The following PTPRM variants were observed in gnomAD, a reference collection of about 807,000 sequenced individuals.
The protein encoded by PTPRM is receptor-type tyrosine-protein phosphatase mu.
PTPRM carries 47 observed loss-of-function variants against 186.7 expected under a neutral mutation model. That is an observed-to-expected ratio of 0.25 (90% CI 0.20 to 0.32). PTPRM has a LOEUF of 0.32. PTPRM is among the 10% of genes least tolerant of loss of function. PTPRM has a pLI of 1.00. For missense variants in PTPRM, 1,494 were observed against 1,865.0 expected, an observed-to-expected ratio of 0.80 and a Z score of 3.66; for synonymous variants, 668 against 674.9, an observed-to-expected ratio of 0.99 and a Z score of 0.16.
At chr18:7,891,352 A>T (rs1437996262) in intron 3 of PTPRM, among the ~76,000 whole-genome samples, 5 of 148,462 alleles carry the variant, frequency 3.4e-5, no homozygotes, top group African/African-American at 9.9e-5. Context: ...TAACAGGTAA[A>T]TTTTTTTTTT....
chr18:7,702,914 G>A (rs186742783), intron 1 of PTPRM, among the ~76,000 whole-genome samples: 19 of 149,088 alleles, frequency 1.3e-4, no homozygotes, highest in African/African-American at 4.1e-4. Flanking sequence ...CTGAATATGC[G>A]TAGCCATTTA....
At position 8,016,804 on chromosome 18, in the gene PTPRM, A is replaced by G. The variant is rs147364381; in HGVS notation, c.1133-52882A>G. On this transcript the variant is annotated intron_variant, in intron 7 of 32. Coordinates refer to ENST00000580170, the MANE Select transcript of PTPRM (RefSeq NM_001105244.2). ...GGCATTCATTTTTAAAAGAACGTCT[A>G]TCTATCCATACCAATAATCTGGAGA... Among the ~76,000 whole-genome samples the G allele has an allele frequency of 8.4e-3, 1,282 of 152,332 alleles. 8 individuals carry two copies. Among genetic ancestry groups the G allele is most frequent in the South Asian group, 0.034 (163 of 4,830 alleles).
intron 2 of PTPRM, among the ~76,000 whole-genome samples, chr18:7,833,604 G>T (rs1489616678): frequency 2.0e-5 from 3 of 152,026 alleles, no homozygotes; most frequent in East Asian, 3.9e-4. Context: ...CATGGTGGCA[G>T]GTGCCTATAA....
In PTPRM at chr18:8,290,447, C is replaced by T. The variant is rs199751540; in HGVS notation, c.2755-5921C>T. Among the ~76,000 whole-genome samples, 6 of 151,684 alleles carry T rather than the reference C, an allele frequency of 4.0e-5. No homozygotes were observed. In the East Asian group the frequency reaches 1.2e-3, roughly 29 times the overall value. ...GAGTTGTGGCATTTTTAACAGACTG[C>T]ATCGTTTTGGAGTAATGTTCTCTTG... is the stretch of plus-strand genomic sequence containing the variant. On this transcript the variant is annotated intron_variant, in intron 19 of 32. Coordinates refer to ENST00000580170, the MANE Select transcript of PTPRM (RefSeq NM_001105244.2).
chr18:8,066,528 G>A (rs79250695), intron 7 of PTPRM, among the ~76,000 whole-genome samples: 3,398 of 152,194 alleles, frequency 0.022, 54 homozygotes, highest in African/African-American at 0.047. Context: ...CTATGTTGAC[G>A]TGACCCTTCC....
At chr18:7,581,461 G>A (rs1567966127) in intron 1 of PTPRM, among the ~76,000 whole-genome samples, 1 of 152,114 alleles carries the variant, frequency 6.6e-6, no homozygotes, top group Non-Finnish European at 1.5e-5. Flanking sequence ...TGCAGTCGAT[G>A]CTTGTTTCTG....
At chr18:8,387,429 T>A (rs1239184462) in intron 31 of PTPRM, among the ~76,000 whole-genome samples, 194 bp downstream of exon 31, 1 of 151,566 alleles carries the variant, frequency 6.6e-6, no homozygotes, top group Non-Finnish European at 1.5e-5. Flanking sequence ...TGCATTTGGA[T>A]GGTGTGCCGC....
chr18:8,165,998 T>C (rs1218649328), intron 14 of PTPRM, among the ~76,000 whole-genome samples: 1 of 152,242 alleles, frequency 6.6e-6, no homozygotes, highest in Non-Finnish European at 1.5e-5. Flanking sequence ...GCCTTTCCAT[T>C]CAGGGTATTC....
intron 19 of PTPRM, among the ~76,000 whole-genome samples, chr18:8,254,523 T>G (rs1418333991): frequency 2.0e-5 from 3 of 152,204 alleles, no homozygotes; most frequent in African/African-American, 7.2e-5. Flanking sequence ...ACATGTGGTT[T>G]TTTTAAACCT....
chr18:7,631,755 A>C (rs1206199217), intron 1 of PTPRM, among the ~76,000 whole-genome samples: 2 of 152,146 alleles, frequency 1.3e-5, no homozygotes, highest in African/African-American at 4.8e-5. Context: ...AAGACCGGGC[A>C]CCCCTGGTCT....
At chr18:8,173,354 A>G (rs1375829228) in intron 14 of PTPRM, among the ~76,000 whole-genome samples, 1 of 152,238 alleles carries the variant, frequency 6.6e-6, no homozygotes, top group Non-Finnish European at 1.5e-5. Context: ...TATTTTCACA[A>G]TATTTCTTAA....
At chr18:7,884,183 T>G (rs2048649243) in intron 2 of PTPRM, among the ~76,000 whole-genome samples, 1 of 151,822 alleles carries the variant, frequency 6.6e-6, no homozygotes, top group African/African-American at 2.4e-5. Flanking sequence ...AGCCATACAT[T>G]TAGGAGGGTT....
intron 22 of PTPRM, among the ~76,000 whole-genome samples, chr18:8,325,963 C>A (rs73382214): frequency 1.3e-3 from 197 of 152,124 alleles, no homozygotes; most frequent in African/African-American, 4.6e-3. Context: ...ACTTGCTGGC[C>A]GCATGGTACC....
intron 1 of PTPRM, among the ~76,000 whole-genome samples, chr18:7,577,107 G>A (rs2036707603): frequency 6.6e-6 from 1 of 151,860 alleles, no homozygotes; most frequent in East Asian, 1.9e-4. Context: ...TTCCTATCAA[G>A]TTTGACTTAG....
At chr18:8,365,995 G>C (rs2148423336) in intron 23 of PTPRM, among the ~76,000 whole-genome samples, 1 of 152,270 alleles carries the variant, frequency 6.6e-6, no homozygotes, top group South Asian at 2.1e-4. Context: ...TGGGGAGAGG[G>C]GGGCTTCAAT....
chr18:8,067,258 C>T (rs1054852233), intron 7 of PTPRM, among the ~76,000 whole-genome samples: 6 of 152,094 alleles, frequency 3.9e-5, no homozygotes, highest in African/African-American at 1.4e-4. Context: ...GTATAGAGAT[C>T]TGGAGCTTAT....
intron 2 of PTPRM, among the ~76,000 whole-genome samples, chr18:7,819,321 A>G (rs953075584): frequency 5.3e-5 from 8 of 152,266 alleles, no homozygotes; most frequent in Admixed American, 5.2e-4. Context: ...TAGCAGGTAG[A>G]TACACAAGCT....
intron 2 of PTPRM, among the ~76,000 whole-genome samples, chr18:7,886,733 A>G (rs1225195240): frequency 6.6e-6 from 1 of 152,178 alleles, no homozygotes; most frequent in African/African-American, 2.4e-5. Context: ...CCTGTTTATC[A>G]TAAATGGTGT....
chr18:7,632,514 CT>C (rs971571693), intron 1 of PTPRM, among the ~76,000 whole-genome samples: 93 of 152,182 alleles, frequency 6.1e-4, no homozygotes, highest in African/African-American at 2.2e-3. Context: ...ACCCCAGTGC[CT>C]TAGCACTTGG....
Sources: gnomAD v4.1 joint callset for allele counts (sites outside exome capture counted in the v4.1 genomes callset) on GRCh38, gnomAD v4.1.1 for gene constraint, MANE v1.5 for transcripts, NCBI Gene and HGNC (gene_info 2026-07-23, HGNC 2026-07-21) for gene names.